The following OSBPL9 variants were observed in gnomAD, a reference collection of about 807,000 sequenced individuals.
OSBPL9 encodes oxysterol-binding protein-related protein 9.
OSBPL9 carries 40 observed loss-of-function variants against 106.6 expected under a neutral mutation model. The ratio of observed to expected loss-of-function variants is 0.38; its 90% CI spans 0.29 to 0.49. The LOEUF (loss-of-function observed/expected upper bound fraction) is 0.49. OSBPL9 is among the 20% of genes least tolerant of loss of function. OSBPL9 has a pLI of 0.97. For missense variants in OSBPL9, 609 were observed against 887.2 expected (o/e 0.69, Z 3.98); for synonymous variants, 269 against 295.4 (o/e 0.91, Z 0.92).
rs1643948736 is a variant in OSBPL9, at chr1:51,606,417, T to C, written c.-352-7888T>C. ...TGAAGGCCACTTGCTTGGAAAAATG[T>C]AGTGAATTAATATACTGCAAATTTA... On this transcript the variant is annotated intron_variant, in intron 2 of 25. Transcript: ENST00000371714. Among the ~76,000 whole-genome samples, 4 of 152,234 alleles carry C rather than the reference T, an allele frequency of 2.6e-5. 1 individual carries two copies. The South Asian group carries it at 8.3e-4, about 32-fold the overall frequency.
chr1:51,524,699 T>C, the OSBPL9 span, among the ~76,000 whole-genome samples: 1 of 152,228 alleles, frequency 6.6e-6, no homozygotes, highest in Non-Finnish European at 1.5e-5. Flanking sequence ...TTGAGTACTA[T>C]ACAGTAAGAG....
chr1:51,544,388 A>G, the OSBPL9 span, among the ~76,000 whole-genome samples: 1 of 151,384 alleles, frequency 6.6e-6, no homozygotes, highest in Non-Finnish European at 1.5e-5. Flanking sequence ...CCATTTTACG[A>G]TCTCTTAGCC....
chr1:51,646,890 C>T (rs1352021615), intron 1 of OSBPL9, among the ~76,000 whole-genome samples: 1 of 152,146 alleles, frequency 6.6e-6, no homozygotes, highest in Non-Finnish European at 1.5e-5. Context: ...ATACTTTAAA[C>T]TCTTCCTTTC....
chr1:51,713,533 C>T (rs188723329), intron 3 of OSBPL9, among the ~76,000 whole-genome samples: 5 of 152,248 alleles, frequency 3.3e-5, no homozygotes, highest in East Asian at 1.9e-4. Context: ...TACCAGCTTC[C>T]GCCACACACT....
Position 51,592,819 on chromosome 1 carries a change from T to C in OSBPL9, c.-422-5305T>C, listed in dbSNP as rs141543735. On this transcript the variant is annotated intron_variant, in intron 1 of 25. Transcript: ENST00000371714. ...GGGCATTTGAGCATTTACTCCCCCA[T>C]TGGACAAGTGGAGTTCAGTCCTTGA... 1.5e-3 allele frequency among the ~76,000 whole-genome samples: 227 copies of C among 152,312 alleles called. 1 individual carries two copies. The highest frequency in any genetic ancestry group is 5.2e-3 in the African/African-American group (216 of 41,562).
intron 3 of OSBPL9, among the ~76,000 whole-genome samples, chr1:51,695,071 G>C (rs574323804): frequency 6.6e-6 from 1 of 152,114 alleles, no homozygotes; most frequent in South Asian, 2.1e-4. Flanking sequence ...TGAGATAACC[G>C]TTATACTTTA....
chr1:51,594,230 C>T (rs1645289095), intron 1 of OSBPL9, among the ~76,000 whole-genome samples: 1 of 151,838 alleles, frequency 6.6e-6, no homozygotes, highest in Non-Finnish European at 1.5e-5. Context: ...AACCCTGTCT[C>T]TACTAAAAAT....
chr1:51,653,174 A>T (rs1174075942), intron 2 of OSBPL9, among the ~76,000 whole-genome samples: 1 of 152,092 alleles, frequency 6.6e-6, no homozygotes, highest in African/African-American at 2.4e-5. Context: ...AAAGATTTTT[A>T]AAAATTCAAC....
At chr1:51,523,271 T>C in the OSBPL9 span, among the ~76,000 whole-genome samples, 3 of 151,980 alleles carry the variant, frequency 2.0e-5, no homozygotes, top group Admixed American at 1.3e-4. Context: ...TTTTGTTTTA[T>C]TTATTTATTT....
chr1:51,528,548 A>G, the OSBPL9 span, among the ~76,000 whole-genome samples: 572 of 148,228 alleles, frequency 3.9e-3, 4 homozygotes, highest in Middle Eastern at 0.01. Flanking sequence ...TGTCTCGGGG[A>G]AAAAAAAAAC....
intron 1 of OSBPL9, among the ~76,000 whole-genome samples, chr1:51,639,312 G>C (rs114851461): frequency 0.012 from 1,808 of 152,242 alleles, 37 homozygotes; most frequent in African/African-American, 0.042. Context: ...GTAGATGGTC[G>C]AAGGTACAAC....
intron 2 of OSBPL9, among the ~76,000 whole-genome samples, chr1:51,669,200 T>A (rs1570944177): frequency 6.6e-6 from 1 of 152,330 alleles, no homozygotes; most frequent in East Asian, 1.9e-4. Flanking sequence ...TCCCAGCACA[T>A]CTATGCCCTT....
intron 4 of OSBPL9, chr1:51,740,059 C>T: frequency 6.6e-7 from 1 of 1,515,340 alleles, no homozygotes; most frequent in Middle Eastern, 1.7e-4. Context: ...AGATTTTTCT[C>T]TTACTATTCC....
intron 4 of OSBPL9, among the ~76,000 whole-genome samples, chr1:51,727,121 G>C (rs1001299432): frequency 6.9e-6 from 1 of 145,020 alleles, no homozygotes; most frequent in African/African-American, 2.5e-5. Flanking sequence ...GGCAGAATTA[G>C]AGATGTAGGC....
At chr1:51,682,295 C>T (rs773587993) in intron 3 of OSBPL9, among the ~76,000 whole-genome samples, 8 of 152,002 alleles carry the variant, frequency 5.3e-5, no homozygotes, top group Non-Finnish European at 1.0e-4. Context: ...GTTGAATCCA[C>T]GGATGCAGAA....
Position 51,729,801 on chromosome 1 carries a change from A to C in OSBPL9, c.318+15722A>C, listed in dbSNP as rs1663902041. 22 of 1,206,786 alleles carry C rather than the reference A, an allele frequency of 1.8e-5. No homozygotes were observed. The highest frequency in any genetic ancestry group is 3.2e-4 in the Middle Eastern group (1 of 3,106). 74.8% of individuals were successfully genotyped at this position (1,206,786 alleles called of 1,614,324 possible). On this transcript the variant is annotated intron_variant, in intron 4 of 23. Coordinates refer to ENST00000428468, the MANE Select transcript of OSBPL9 (RefSeq NM_024586.6). This position sits in a 1 kb window ranked among gnomAD's most constrained non-coding sequence, Gnocchi z 5.1. The stretch of plus-strand genomic sequence containing the variant: ...CCCCTCCGCCGGGGAGGGGACGGGA[A>C]AGGGGTGGGGGGTGAAGGGGGTGAA...
At chr1:51,531,666 T>C in the OSBPL9 span, among the ~76,000 whole-genome samples, 8 of 152,182 alleles carry the variant, frequency 5.3e-5, no homozygotes, top group Admixed American at 5.2e-4. Context: ...CTTTTAGATA[T>C]CCAAGTTGAA....
intron 2 of OSBPL9, among the ~76,000 whole-genome samples, chr1:51,668,602 A>G (rs1649092639): frequency 6.6e-6 from 1 of 152,216 alleles, no homozygotes; most frequent in African/African-American, 2.4e-5. Flanking sequence ...AGCCTGGGTG[A>G]CAGCCTAGGC....
intron 3 of OSBPL9, among the ~76,000 whole-genome samples, chr1:51,691,004 G>A (rs111384005): frequency 0.016 from 2,385 of 152,238 alleles, 60 homozygotes; most frequent in African/African-American, 0.055. Flanking sequence ...ATAAGTATCT[G>A]TGTATTTAAA....
Sources: gnomAD v4.1 joint callset for allele counts (sites outside exome capture counted in the v4.1 genomes callset) on GRCh38, gnomAD v4.1.1 for gene constraint, Gnocchi (gnomAD v3.1) non-coding constraint, MANE v1.5 for transcripts, NCBI Gene and HGNC (gene_info 2026-07-23, HGNC 2026-07-21) for gene names.